NOTCH2NLC: variants seen among roughly 807,000 people sequenced by gnomAD.
NOTCH2NLC encodes notch homolog 2 N-terminal-like protein C.
NOTCH2NLC carries 4 observed loss-of-function variants against 17.7 expected under a neutral mutation model. The observed-to-expected ratio is 0.23, with a 90% CI of 0.11 to 0.52. The LOEUF (loss-of-function observed/expected upper bound fraction) is 0.52. NOTCH2NLC is among the 20% of genes least tolerant of loss of function. The probability of loss-of-function intolerance (pLI) is 0.96; values close to 1 mark genes in which losing one functional copy is unlikely to be tolerated. For missense variants in NOTCH2NLC, 57 were observed against 207.2 expected (o/e 0.28, Z 4.45); for synonymous variants, 18 against 86.0 (o/e 0.21, Z 4.38).
chr1:149,420,131 A>G (rs2084371335), intron 1 of NOTCH2NLC, among the ~76,000 whole-genome samples: 1 of 150,074 alleles, frequency 6.7e-6, no homozygotes, highest in African/African-American at 2.4e-5. Flanking sequence ...CGGCCTCCCA[A>G]AGTGCTGGGA....
At chr1:149,407,152 C>T (rs2084276064) in intron 1 of NOTCH2NLC, among the ~76,000 whole-genome samples, 1 of 150,722 alleles carries the variant, frequency 6.6e-6, no homozygotes, top group South Asian at 2.1e-4. Context: ...TAAGAAGGAA[C>T]TGATTTGGTT....
chr1:149,414,087 C>CT (rs1178617463), intron 1 of NOTCH2NLC, among the ~76,000 whole-genome samples: 1 of 145,602 alleles, frequency 6.9e-6, no homozygotes, highest in Non-Finnish European at 1.5e-5. Flanking sequence ...AGAGGAGTGG[C>CT]TGTTACATTC....
At chr1:149,392,786 T>C (rs1273381905) in intron 1 of NOTCH2NLC, among the ~76,000 whole-genome samples, 1 of 151,098 alleles carries the variant, frequency 6.6e-6, no homozygotes. Context: ...AAAAATTAAG[T>C]ATTGGCCGGG....
intron 1 of NOTCH2NLC, among the ~76,000 whole-genome samples, chr1:149,427,432 C>T (rs1290134171): frequency 1.4e-5 from 2 of 144,862 alleles, no homozygotes; most frequent in Admixed American, 6.9e-5. Flanking sequence ...CATGTTGTCT[C>T]AAATGACAGA....
chr1:149,463,223 G>T (rs2084661754), intron 3 of NOTCH2NLC, among the ~76,000 whole-genome samples: 1 of 149,646 alleles, frequency 6.7e-6, no homozygotes, highest in Non-Finnish European at 1.5e-5. Context: ...ATAGCGTCCT[G>T]CAGGATTGGG....
Position 149,465,121 on chromosome 1 carries a change from T to C in NOTCH2NLC, c.*968T>C, listed in dbSNP as rs1167436323. On this transcript the variant is annotated 3_prime_UTR_variant, in exon 5 of 5. Coordinates refer to ENST00000650865, the MANE Select transcript of NOTCH2NLC (RefSeq NM_001364013.2). ...ACAAGAACAAGCTATTTAATTATAT[T>C]ACTTTTAGTTTCTCTTTTAATAAAG... The C allele has an allele frequency of 7.3e-6, 1 of 136,398 alleles. No individual in the cohort carries two copies. The highest frequency in any genetic ancestry group is 1.6e-5 in the Non-Finnish European group (1 of 62,594). 8.4% of individuals were successfully genotyped at this position (136,398 alleles called of 1,614,324 possible). A position where few individuals can be genotyped will look rare whatever the true frequency, so the allele number is the denominator to read the frequency against.
chr1:149,455,564 A>T lies in NOTCH2NLC; in HGVS notation c.456A>T (p.Gln152His). The T allele has an allele frequency of 7.9e-7, 1 of 1,267,488 alleles. No individual in the cohort carries two copies. Among genetic ancestry groups the T allele is most frequent in the Middle Eastern group, 1.9e-4 (1 of 5,216 alleles). The allele number at this position is 1,267,488 out of a possible 1,614,324, so 78.5% of individuals were successfully genotyped here. ...LSRDTYECTC[Q>H]VGFTGKECQW... Reference sequence around the variant, plus strand: ...GGGATACCTATGAGTGCACCTGTCAAGTCGGGTTTACAGGTAACTAATGAG... The same window carrying T: ...GGGATACCTATGAGTGCACCTGTCATGTCGGGTTTACAGGTAACTAATGAG... The change falls in exon 3 of 5, where the codon CAA (glutamine) becomes CAT (histidine). Residue 152 changes from glutamine (Q) to histidine (H), a missense_variant. This residue lies in a region of NOTCH2NLC where 8 missense variants were observed against 49.2 expected (regional missense o/e 0.16). Coordinates refer to ENST00000650865, the MANE Select transcript of NOTCH2NLC (RefSeq NM_001364013.2).
At chr1:149,435,944 T>C (rs1224213590) in intron 2 of NOTCH2NLC, among the ~76,000 whole-genome samples, 2 of 150,100 alleles carry the variant, frequency 1.3e-5, no homozygotes, top group Non-Finnish European at 3.0e-5. Flanking sequence ...TCATATAGTT[T>C]GCTTTGCTTT....
intron 2 of NOTCH2NLC, among the ~76,000 whole-genome samples, chr1:149,449,048 A>AT (rs1206416381): frequency 6.8e-6 from 1 of 147,228 alleles, no homozygotes; most frequent in East Asian, 2.0e-4. Flanking sequence ...CGCCTGGCTA[A>AT]TTTTTTATAT....
In NOTCH2NLC at chr1:149,424,380, T is replaced by TA. The variant is rs1425042866; in HGVS notation, c.136-6561dup. Among the ~76,000 whole-genome samples, 21 of 149,988 alleles carry TA rather than the reference T, an allele frequency of 1.4e-4. 1 individual carries two copies. The highest frequency in any genetic ancestry group is 1.4e-3 in the Admixed American group (21 of 15,086). ...ATTTTTATTTTGTTTGTATTTATCTTAGAGTCATTTGGTTAGGTCACATTC... is the reference window on the plus strand; with the variant it reads ...ATTTTTATTTTGTTTGTATTTATCTTAAGAGTCATTTGGTTAGGTCACATTC... On this transcript the variant is annotated intron_variant, in intron 1 of 4. Transcript: ENST00000650865.
intron 1 of NOTCH2NLC, among the ~76,000 whole-genome samples, chr1:149,405,496 G>C (rs1299486553): frequency 6.8e-6 from 1 of 147,368 alleles, no homozygotes; most frequent in South Asian, 2.2e-4. Context: ...CACCTAGCCA[G>C]TCAGTGGTAA....
In NOTCH2NLC at chr1:149,390,826, C is replaced by CGGCGGAGGA; in HGVS notation, c.45_53dup (p.Gly16_Gly18dup). 1 of 1,329,516 alleles carries CGGCGGAGGA rather than the reference C, an allele frequency of 7.5e-7. No individual in the cohort carries two copies. The highest frequency in any genetic ancestry group is 9.6e-7 in the Non-Finnish European group (1 of 1,041,908). 82.4% of individuals were successfully genotyped at this position (1,329,516 alleles called of 1,614,324 possible). A position where few individuals can be genotyped will look rare whatever the true frequency, so the allele number is the denominator to read the frequency against. On this transcript the variant is annotated inframe_insertion, in exon 1 of 5. Coordinates refer to ENST00000650865, the MANE Select transcript of NOTCH2NLC (RefSeq NM_001364013.2). ...CAGGCGGCGGCGGCGGCGGCGGCGG[C>CGGCGGAGGA]GGCGGAGGAGGCGGCGACCGAGAAG...
At position 149,460,854 on chromosome 1, in the gene NOTCH2NLC, CCTTTCTTTCTTTCTTTCTTTCTTTCTTT is replaced by C. The variant is rs1169297627; in HGVS notation, c.470-2602_470-2575del. Among the ~76,000 whole-genome samples the C allele has an allele frequency of 9.5e-3, 1,078 of 113,910 alleles. 19 individuals carry two copies. The highest frequency in any genetic ancestry group is 0.025 in the African/African-American group (752 of 29,550). 74.7% of individuals were successfully genotyped at this position (113,910 alleles called of 152,430 possible). A position where few individuals can be genotyped will look rare whatever the true frequency, so the allele number is the denominator to read the frequency against. Reference sequence around the variant, plus strand: ...AGGGTTGATTCTTTCTTTCTTTCTCCCTTTCTTTCTTTCTTTCTTTCTTTCTTTCTTTCTTTCTTTCTTTCTTTCTTTC... The same window carrying C: ...AGGGTTGATTCTTTCTTTCTTTCTCCCTTTCTTTCTTTCTTTCTTTCTTTC... On this transcript the variant is annotated intron_variant, in intron 3 of 4. Coordinates refer to ENST00000650865, the MANE Select transcript of NOTCH2NLC (RefSeq NM_001364013.2).
intron 3 of NOTCH2NLC, among the ~76,000 whole-genome samples, chr1:149,457,539 T>C (rs2084620707): frequency 6.9e-6 from 1 of 145,634 alleles, no homozygotes; most frequent in Admixed American, 6.9e-5. Flanking sequence ...ATATTGGCAA[T>C]CTTTATATAT....
intron 1 of NOTCH2NLC, among the ~76,000 whole-genome samples, chr1:149,417,145 T>C (rs1348860963): frequency 7.3e-6 from 1 of 136,604 alleles, no homozygotes; most frequent in Non-Finnish European, 1.6e-5. Flanking sequence ...AGTCTCGCTC[T>C]TTCGCCCAGG....
rs1464561759 is a variant in NOTCH2NLC, at chr1:149,461,691, C to A, written c.470-1800C>A. ...TAAAGACACATGCACACGTATGTTT[C>A]TTGCGGCACTATTCACAATAGCAAA... is the stretch of plus-strand genomic sequence containing the variant. On this transcript the variant is annotated intron_variant, in intron 3 of 4. Coordinates refer to ENST00000650865, the MANE Select transcript of NOTCH2NLC (RefSeq NM_001364013.2). Among the ~76,000 whole-genome samples, 197 of 151,148 alleles carry A rather than the reference C, an allele frequency of 1.3e-3. 1 individual carries two copies. Among genetic ancestry groups the A allele is most frequent in the Admixed American group, 2.3e-3 (35 of 15,116 alleles).
intron 3 of NOTCH2NLC, among the ~76,000 whole-genome samples, chr1:149,457,688 A>G (rs1476307305): frequency 2.0e-5 from 3 of 147,714 alleles, no homozygotes; most frequent in Non-Finnish European, 3.0e-5. Flanking sequence ...TGAGGGCAGG[A>G]AACATCCAGC....
chr1:149,390,820 CGGCGGCGGCGGA>C lies in NOTCH2NLC; in HGVS notation c.36_47del (p.Gly15_Gly18del). 3.0e-6 allele frequency: 4 copies of C among 1,316,038 alleles called. 1 individual carries two copies. The highest frequency in any genetic ancestry group is 1.9e-5 in the South Asian group (1 of 53,808). The allele number at this position is 1,316,038 out of a possible 1,614,324, so 81.5% of individuals were successfully genotyped here. A position where few individuals can be genotyped will look rare whatever the true frequency, so the allele number is the denominator to read the frequency against. The stretch of plus-strand genomic sequence containing the variant: ...TCTGCCCAGGCGGCGGCGGCGGCGG[CGGCGGCGGCGGA>C]GGAGGCGGCGACCGAGAAGATGCCC... On this transcript the variant is annotated inframe_deletion, in exon 1 of 5. Transcript: ENST00000650865.
chr1:149,410,311 A>G (rs1468018900), intron 1 of NOTCH2NLC, among the ~76,000 whole-genome samples: 2 of 149,464 alleles, frequency 1.3e-5, no homozygotes, highest in Non-Finnish European at 3.0e-5. Context: ...ATATTTAGAA[A>G]TCCTTTACCA....
Sources: allele counts gnomAD v4.1 joint callset (sites outside exome capture counted in the v4.1 genomes callset), GRCh38; gene constraint gnomAD v4.1.1; regional missense constraint gnomAD v4.1.1; transcripts MANE v1.5; gene names NCBI Gene and HGNC (gene_info 2026-07-23, HGNC 2026-07-21).